Variants in PPM1E observed in about 807,000 individuals in gnomAD.
PPM1E encodes the protein protein phosphatase, Mg2+/Mn2+ dependent 1E, also known as protein phosphatase 1E.
In PPM1E, 20 loss-of-function variants were observed where a neutral mutation model predicts 65.9. The ratio of observed to expected loss-of-function variants is 0.30; its 90% CI spans 0.21 to 0.44. The LOEUF (loss-of-function observed/expected upper bound fraction) is 0.44. PPM1E is among the 20% of genes least tolerant of loss of function. The pLI, the probability that PPM1E is intolerant of heterozygous loss-of-function variation, is 1.00. For synonymous variants in PPM1E, 352 were observed against 374.9 expected, an observed-to-expected ratio of 0.94 and a Z score of 0.70; for missense variants, 713 against 953.1, an observed-to-expected ratio of 0.75 and a Z score of 3.32.
intron 1 of PPM1E, among the ~76,000 whole-genome samples, chr17:58,920,577 T>C (rs551993243): frequency 2.1e-4 from 32 of 152,262 alleles, no homozygotes; most frequent in African/African-American, 7.7e-4. Context: ...ATGAGGCAAA[T>C]GGAAAACTAG....
chr17:58,833,056 C>T (rs1388207557), intron 1 of PPM1E, among the ~76,000 whole-genome samples: 3 of 151,826 alleles, frequency 2.0e-5, no homozygotes, highest in Non-Finnish European at 4.4e-5. Context: ...GAACTCCCAG[C>T]CTCAAGTGAT....
At chr17:58,816,528 A>T (rs550117579) in intron 1 of PPM1E, among the ~76,000 whole-genome samples, 1 of 151,296 alleles carries the variant, frequency 6.6e-6, no homozygotes, top group South Asian at 2.1e-4. Context: ...CTTCATACCC[A>T]TTAAACAATA....
chr17:58,798,138 T>G (rs535138451), intron 1 of PPM1E, among the ~76,000 whole-genome samples: 1 of 152,308 alleles, frequency 6.6e-6, no homozygotes, highest in South Asian at 2.1e-4. Context: ...CCTTACTGAG[T>G]TATAGGAGTT....
intron 1 of PPM1E, among the ~76,000 whole-genome samples, chr17:58,850,138 C>T (rs1598609247): frequency 6.6e-6 from 1 of 152,028 alleles, no homozygotes; most frequent in African/African-American, 2.4e-5. Context: ...GGTAGATCTT[C>T]CTCCATCCCT....
At chr17:58,874,701 C>T (rs1049283518) in intron 1 of PPM1E, among the ~76,000 whole-genome samples, 5 of 152,068 alleles carry the variant, frequency 3.3e-5, no homozygotes, top group Admixed American at 2.0e-4. Flanking sequence ...TGAGCATTTT[C>T]TCCATGACTT....
At chr17:58,974,019 A>G (rs997283212) in intron 6 of PPM1E, among the ~76,000 whole-genome samples, 39 of 151,000 alleles carry the variant, frequency 2.6e-4, no homozygotes, top group Non-Finnish European at 5.5e-4. Flanking sequence ...GTCCTAGTAC[A>G]CAGGAGGCTG....
At chr17:58,759,751 G>A (rs947411265) in intron 1 of PPM1E, among the ~76,000 whole-genome samples, 2 of 152,222 alleles carry the variant, frequency 1.3e-5, no homozygotes, top group African/African-American at 4.8e-5. Context: ...ATGGCTTGCA[G>A]TAATAATGAG....
chr17:58,810,398 G>C (rs2050355406), intron 1 of PPM1E, among the ~76,000 whole-genome samples: 1 of 151,766 alleles, frequency 6.6e-6, no homozygotes, highest in Non-Finnish European at 1.5e-5. Context: ...GTAGAGACAG[G>C]GTTTCACCAT....
intron 1 of PPM1E, among the ~76,000 whole-genome samples, chr17:58,757,016 T>G (rs903096380): frequency 1.3e-5 from 2 of 152,172 alleles, no homozygotes; most frequent in African/African-American, 2.4e-5. Flanking sequence ...CGTATCCAGA[T>G]GAGAGAATGG....
chr17:58,865,430 C>T (rs915358268), intron 1 of PPM1E, among the ~76,000 whole-genome samples: 1 of 151,520 alleles, frequency 6.6e-6, no homozygotes, highest in Non-Finnish European at 1.5e-5. Context: ...CCTGGGCCAG[C>T]CATGGTGGCT....
chr17:58,849,547 A>G (rs2050804665), intron 1 of PPM1E, among the ~76,000 whole-genome samples: 1 of 152,170 alleles, frequency 6.6e-6, no homozygotes, highest in South Asian at 2.1e-4. Context: ...GTCATTCAGG[A>G]TCAGGTTGTT....
At chr17:58,780,740 C>T (rs1427121957) in intron 1 of PPM1E, among the ~76,000 whole-genome samples, 2 of 151,986 alleles carry the variant, frequency 1.3e-5, no homozygotes, top group Non-Finnish European at 2.9e-5. Flanking sequence ...AATTTTTGTA[C>T]TTGGTCACAT....
intron 1 of PPM1E, among the ~76,000 whole-genome samples, chr17:58,923,266 C>T (rs906146264): frequency 7.9e-6 from 1 of 127,256 alleles, no homozygotes; most frequent in Non-Finnish European, 1.6e-5. Context: ...ATCTGGGTGA[C>T]AGAGTGAGAC....
In PPM1E at chr17:58,933,093, C is replaced by T. The variant is rs2051924391; in HGVS notation, c.465-22556C>T. On this transcript the variant is annotated intron_variant, in intron 1 of 6. Coordinates refer to ENST00000308249, the MANE Select transcript of PPM1E (RefSeq NM_014906.5). ...TAGCCTACGTGTGTAGTAGACTATA[C>T]CATCTGGGTTTATATGAGTATGCTC... Among the ~76,000 whole-genome samples, 4 of 152,146 alleles carry T rather than the reference C, an allele frequency of 2.6e-5. No homozygotes were observed. The South Asian group carries it at 8.3e-4, about 32-fold the overall frequency.
At chr17:58,859,036 T>C (rs2050911860) in intron 1 of PPM1E, among the ~76,000 whole-genome samples, 1 of 152,232 alleles carries the variant, frequency 6.6e-6, no homozygotes, top group Non-Finnish European at 1.5e-5. Flanking sequence ...AACTTGAGGA[T>C]AGCCACATGG....
chr17:58,828,357 CTA>C (rs1056672307), intron 1 of PPM1E, among the ~76,000 whole-genome samples: 21 of 152,068 alleles, frequency 1.4e-4, no homozygotes, highest in African/African-American at 5.1e-4. Flanking sequence ...TTGGAAACAA[CTA>C]TTTTAATTTT....
chr17:58,975,751 G>A (rs2030957768), intron 6 of PPM1E, among the ~76,000 whole-genome samples: 2 of 152,196 alleles, frequency 1.3e-5, no homozygotes, highest in Non-Finnish European at 2.9e-5. Flanking sequence ...GACTTTACCA[G>A]GTGAATACGC....
At chr17:58,922,459 GCT>G in intron 1 of PPM1E, among the ~76,000 whole-genome samples, 1 of 151,832 alleles carries the variant, frequency 6.6e-6, no homozygotes, top group Admixed American at 6.6e-5. Flanking sequence ...TTGCTATGTT[GCT>G]GAGACTGGTC....
chr17:58,817,909 G>A (rs1472804260), intron 1 of PPM1E, among the ~76,000 whole-genome samples: 1 of 152,004 alleles, frequency 6.6e-6, no homozygotes, highest in East Asian at 1.9e-4. Context: ...CCGCCACCAC[G>A]CCCGGTTAAT....
Sources: allele counts gnomAD v4.1 joint callset (sites outside exome capture counted in the v4.1 genomes callset), GRCh38; gene constraint gnomAD v4.1.1; transcripts MANE v1.5; gene names NCBI Gene and HGNC (gene_info 2026-07-23, HGNC 2026-07-21).